The following LUZP2 variants were observed in gnomAD, a reference collection of about 807,000 sequenced individuals.
LUZP2 encodes the protein leucine zipper protein 2.
In LUZP2, 52 loss-of-function variants were observed where a neutral mutation model predicts 51.6. That is an observed-to-expected ratio of 1.01 (90% CI 0.81 to 1.27). The LOEUF is 1.27. LUZP2 is among the 50% of genes most tolerant of loss of function. The probability of loss-of-function intolerance (pLI) is 0.00; values close to 1 mark genes in which losing one functional copy is unlikely to be tolerated. For synonymous variants in LUZP2, 154 were observed against 137.3 expected (o/e 1.12, Z -0.85); for missense variants, 436 against 395.4 (o/e 1.10, Z -0.87).
intron 4 of LUZP2, among the ~76,000 whole-genome samples, chr11:24,749,307 T>TCTC (rs1859492674): frequency 5.9e-5 from 9 of 152,306 alleles, no homozygotes; most frequent in African/African-American, 2.2e-4. Context: ...TGAGTACATT[T>TCTC]AAACAGCTTT....
At chr11:24,622,398 A>G (rs529118266) in intron 1 of LUZP2, among the ~76,000 whole-genome samples, 283 of 151,832 alleles carry the variant, frequency 1.9e-3, no homozygotes, top group East Asian at 2.1e-3. Context: ...TTGTCCTTGC[A>G]ATCACCATGT....
intron 1 of LUZP2, among the ~76,000 whole-genome samples, chr11:24,590,897 A>G (rs187307116): frequency 6.6e-6 from 1 of 152,270 alleles, no homozygotes; most frequent in East Asian, 1.9e-4. Flanking sequence ...CATGTAAGAA[A>G]TATTAAACGT....
At chr11:24,942,524 G>A (rs1435834875) in intron 7 of LUZP2, among the ~76,000 whole-genome samples, 1 of 152,028 alleles carries the variant, frequency 6.6e-6, no homozygotes, top group African/African-American at 2.4e-5. Flanking sequence ...CTGTTCACGT[G>A]TTTTTCTCCT....
intron 5 of LUZP2, among the ~76,000 whole-genome samples, chr11:24,853,067 T>C (rs1252106476): frequency 6.6e-6 from 1 of 152,198 alleles, no homozygotes; most frequent in Admixed American, 6.5e-5. Context: ...ATTTATCCCA[T>C]TTACATTTAA....
At chr11:24,836,264 A>T (rs1850857534) in intron 5 of LUZP2, among the ~76,000 whole-genome samples, 1 of 151,986 alleles carries the variant, frequency 6.6e-6, no homozygotes, top group African/African-American at 2.4e-5. Flanking sequence ...TTTGTCAAGA[A>T]TAGAGCAAGT....
chr11:24,867,128 GAGATAA>G (rs1465854576), intron 5 of LUZP2, among the ~76,000 whole-genome samples: 2 of 152,216 alleles, frequency 1.3e-5, no homozygotes, highest in African/African-American at 4.8e-5. Flanking sequence ...TTTTCTTCAA[GAGATAA>G]ATTAATAAAA....
At chr11:25,021,533 G>A (rs1857333199) in intron 9 of LUZP2, among the ~76,000 whole-genome samples, 1 of 151,832 alleles carries the variant, frequency 6.6e-6, no homozygotes, top group Non-Finnish European at 1.5e-5. Context: ...CATAGGGACA[G>A]TAGGTGCTTG....
intron 1 of LUZP2, among the ~76,000 whole-genome samples, chr11:24,513,011 G>T (rs949452981): frequency 4.6e-5 from 7 of 152,230 alleles, no homozygotes; most frequent in Middle Eastern, 3.4e-3. Flanking sequence ...ACCCGCCTCG[G>T]CCTCCCAAAG....
intron 7 of LUZP2, among the ~76,000 whole-genome samples, chr11:24,920,428 A>G (rs1050810378): frequency 6.6e-6 from 1 of 152,018 alleles, no homozygotes; most frequent in Non-Finnish European, 1.5e-5. Context: ...TAACTCAGCA[A>G]TCTCACTGTT....
chr11:24,564,609 GA>G (rs1852156624), intron 1 of LUZP2, among the ~76,000 whole-genome samples: 2 of 152,076 alleles, frequency 1.3e-5, no homozygotes, highest in African/African-American at 4.8e-5. Context: ...AAACCCAAGT[GA>G]AATTGGGACA....
At chr11:24,977,511 A>G (rs762038684) in intron 8 of LUZP2, among the ~76,000 whole-genome samples, 3 of 151,692 alleles carry the variant, frequency 2.0e-5, no homozygotes, top group Non-Finnish European at 4.4e-5. Context: ...GTTTACAAAG[A>G]GCACTTCTGC....
At chr11:24,517,513 A>AAAAAAAT (rs1850510206) in intron 1 of LUZP2, among the ~76,000 whole-genome samples, 1 of 145,430 alleles carries the variant, frequency 6.9e-6, no homozygotes, top group Non-Finnish European at 1.5e-5. Flanking sequence ...AAAAAAAAAA[A>AAAAAAAT]TTGTAGGTAC....
At chr11:24,898,905 G>T (rs1383307825) in intron 5 of LUZP2, among the ~76,000 whole-genome samples, 1 of 151,580 alleles carries the variant, frequency 6.6e-6, no homozygotes. Flanking sequence ...TAAACTCTGA[G>T]TTAAGAGACA....
chr11:24,562,462 G>T (rs1852074248), intron 1 of LUZP2, among the ~76,000 whole-genome samples: 1 of 128,806 alleles, frequency 7.8e-6, no homozygotes. Context: ...CCAAAAATGA[G>T]TCCTAAGGAA....
chr11:24,625,235 A>G (rs112091301), intron 1 of LUZP2, among the ~76,000 whole-genome samples: 8 of 152,228 alleles, frequency 5.3e-5, no homozygotes, highest in African/African-American at 1.7e-4. Context: ...TGTCACATAT[A>G]CAAAATGAAT....
intron 9 of LUZP2, among the ~76,000 whole-genome samples, chr11:25,032,737 A>G (rs2133993698): frequency 6.6e-6 from 1 of 152,302 alleles, no homozygotes; most frequent in African/African-American, 2.4e-5. Flanking sequence ...GAATAAAAGC[A>G]CAGAAAGGAT....
chr11:24,498,995 T>C (rs1590105291), intron 1 of LUZP2, among the ~76,000 whole-genome samples: 1 of 152,330 alleles, frequency 6.6e-6, no homozygotes, highest in Admixed American at 6.5e-5. Flanking sequence ...GATTTAATGT[T>C]CGATATCTAA....
intron 1 of LUZP2, among the ~76,000 whole-genome samples, chr11:24,663,394 C>G (rs1230692879): frequency 1.3e-5 from 2 of 152,142 alleles, no homozygotes; most frequent in Non-Finnish European, 2.9e-5. Flanking sequence ...TTTCCTGAGG[C>G]ATCCCAACCA....
At chr11:24,657,050 C>G (rs1855831069) in intron 1 of LUZP2, among the ~76,000 whole-genome samples, 1 of 152,102 alleles carries the variant, frequency 6.6e-6, no homozygotes, top group South Asian at 2.1e-4. Flanking sequence ...AAAGTCTTTG[C>G]TCCTCAGATA....
Sources: gnomAD v4.1 joint callset for allele counts (sites outside exome capture counted in the v4.1 genomes callset) on GRCh38, gnomAD v4.1.1 for gene constraint, MANE v1.5 for transcripts, NCBI Gene and HGNC (gene_info 2026-07-23, HGNC 2026-07-21) for gene names.